The following CCDC57 variants were observed in gnomAD, a reference collection of about 807,000 sequenced individuals.
CCDC57 encodes coiled-coil domain-containing protein 57.
In CCDC57, 118 loss-of-function variants were observed where a neutral mutation model predicts 118.9. The observed-to-expected ratio is 0.99, with a 90% CI of 0.86 to 1.16. The LOEUF (loss-of-function observed/expected upper bound fraction) is 1.16. CCDC57 is among the 50% of genes most tolerant of loss of function. CCDC57 has a pLI of 0.00. For synonymous variants in CCDC57, 527 were observed against 532.9 expected (o/e 0.99, Z 0.15); for missense variants, 1,300 against 1,320.7 (o/e 0.98, Z 0.24).
intron 17 of CCDC57, among the ~76,000 whole-genome samples, chr17:82,128,963 G>A (rs2037902140): frequency 6.6e-6 from 1 of 151,658 alleles, no homozygotes; most frequent in Non-Finnish European, 1.5e-5. Flanking sequence ...CTGTCTCCCA[G>A]GCTGGAGTAC....
intron 5 of CCDC57, chr17:82,194,363 T>A: frequency 2.2e-6 from 1 of 449,996 alleles, no homozygotes; most frequent in Non-Finnish European, 3.9e-6. Flanking sequence ...CAGGCTGGAG[T>A]GCAATGGCGT....
At chr17:82,165,102 G>T (rs1434117694) in intron 13 of CCDC57, among the ~76,000 whole-genome samples, 1 of 152,218 alleles carries the variant, frequency 6.6e-6, no homozygotes, top group Non-Finnish European at 1.5e-5. Context: ...CAAGAAGATG[G>T]CTTGAGCCCA....
intron 16 of CCDC57, among the ~76,000 whole-genome samples, chr17:82,141,933 G>A (rs1167514275): frequency 1.3e-5 from 2 of 152,150 alleles, no homozygotes; most frequent in Non-Finnish European, 2.9e-5. Flanking sequence ...GAGCTGCTTT[G>A]CGATTTTACC....
chr17:82,134,102 C>A lies in CCDC57; in HGVS notation c.2548G>T (p.Gly850Ter). ...GATGTAAAATGGGGCTGCACCTGTCCCAAAGGTGGGCTGCGATCCAAAGGC... is the reference window on the plus strand; with the variant it reads ...GATGTAAAATGGGGCTGCACCTGTCACAAAGGTGGGCTGCGATCCAAAGGC... Residue 850 changes from glycine (G) to a stop codon, truncating the protein, a stop_gained, in exon 17 of 20, where the codon GGA becomes TGA. Coordinates refer to ENST00000665763, the Ensembl canonical transcript of CCDC57. LOFTEE classifies it high-confidence loss of function. The A allele has an allele frequency of 7.1e-7, 1 of 1,417,470 alleles. No individual in the cohort carries two copies. The highest frequency in any genetic ancestry group is 9.2e-7 in the Non-Finnish European group (1 of 1,083,894). The allele number at this position is 1,417,470 out of a possible 1,614,324, so 87.8% of individuals were successfully genotyped here.
chr17:82,102,521 A>AT (rs2034522723), intron 19 of CCDC57, among the ~76,000 whole-genome samples: 1 of 152,140 alleles, frequency 6.6e-6, no homozygotes, highest in East Asian at 1.9e-4. Context: ...GTTTTTCTCT[A>AT]TTTTTCATTT....
intron 19 of CCDC57, among the ~76,000 whole-genome samples, chr17:82,124,697 G>A (rs1303514795): frequency 6.6e-6 from 1 of 152,022 alleles, no homozygotes; most frequent in African/African-American, 2.4e-5. Context: ...TTGGGAGGCT[G>A]AGGTGGGAGA....
chr17:82,107,463 C>G (rs569292051), intron 19 of CCDC57: 1 of 470,284 alleles, frequency 2.1e-6, no homozygotes, highest in South Asian at 1.6e-5. Context: ...TCCAGCTGCA[C>G]GGCACACGGG....
intron 16 of CCDC57, among the ~76,000 whole-genome samples, chr17:82,136,724 A>C (rs930216574): frequency 6.6e-6 from 1 of 151,868 alleles, no homozygotes; most frequent in Admixed American, 6.6e-5. Flanking sequence ...CAGCCTCCCA[A>C]GTAGCTGGGA....
At chr17:82,183,877 G>T in exon 9 of CCDC57, 2 of 1,613,734 alleles carry the variant, frequency 1.2e-6, no homozygotes, top group Non-Finnish European at 8.5e-7. Context: ...TCCTTAGATA[G>T]TTGAGCAATT....
chr17:82,198,343 G>C, exon 4 of CCDC57: 1 of 1,613,430 alleles, frequency 6.2e-7, no homozygotes. Flanking sequence ...TCACCGTCGA[G>C]CTCCTCAAGT....
chr17:82,190,913 AAAG>A (rs1030312775), intron 7 of CCDC57, among the ~76,000 whole-genome samples: 4 of 151,328 alleles, frequency 2.6e-5, no homozygotes, highest in African/African-American at 4.9e-5. Context: ...AACCCCCCAG[AAAG>A]AAGAACATCC....
Position 82,201,778 on chromosome 17 carries a change from T to A in CCDC57, c.167A>T (p.Asp56Val), listed in dbSNP as rs556538087. The A allele has an allele frequency of 2.7e-5, 43 of 1,613,770 alleles. No homozygotes were observed. The East Asian group carries it at 9.6e-4, about 36-fold the overall frequency. Residue 56 changes from aspartate (D) to valine (V), a missense_variant, in exon 3 of 20, where the codon GAC (aspartate) becomes GTC (valine). Physicochemically the swap from Asp to Val is radical, Grantham distance 152. Transcript: ENST00000665763. ...CAGCACCTGAAGGTTGTAGACAAAGTCCTCCTGCAGGCACCGCAGTTTCCC... is the reference window on the plus strand; with the variant it reads ...CAGCACCTGAAGGTTGTAGACAAAGACCTCCTGCAGGCACCGCAGTTTCCC...
intron 8 of CCDC57, 90 bp from the exon 8 acceptor site, chr17:82,184,022 C>T (rs758647127): frequency 1.4e-4 from 56 of 408,318 alleles, no homozygotes; most frequent in African/African-American, 8.9e-4. Context: ...CACATGCGCG[C>T]GCGCGCGCGC....
chr17:82,139,877 A>AC (rs1218255821), intron 16 of CCDC57, among the ~76,000 whole-genome samples: 5 of 152,226 alleles, frequency 3.3e-5, no homozygotes, highest in Admixed American at 2.6e-4. Flanking sequence ...ATGGAGTGGA[A>AC]CAAGAACGGA....
At chr17:82,137,209 G>A (rs1439123610) in intron 16 of CCDC57, among the ~76,000 whole-genome samples, 1 of 151,910 alleles carries the variant, frequency 6.6e-6, no homozygotes, top group Non-Finnish European at 1.5e-5. Context: ...GTAGACAAGG[G>A]GTTTCACCGT....
At chr17:82,157,674 G>A (rs1405144126) in intron 15 of CCDC57, 74 bp downstream of exon 14, 17 of 1,505,214 alleles carry the variant, frequency 1.1e-5, no homozygotes, top group African/African-American at 2.8e-5. Flanking sequence ...CAGCAACGCT[G>A]GCAGAGCACA....
intron 19 of CCDC57, chr17:82,107,716 C>T (rs996015554): frequency 1.7e-5 from 7 of 415,942 alleles, no homozygotes; most frequent in African/African-American, 1.0e-4. Context: ...ACACCTGCCA[C>T]GTGGACTGGA....
intron 13 of CCDC57, among the ~76,000 whole-genome samples, chr17:82,166,714 C>T (rs1388995037): frequency 6.6e-6 from 1 of 152,076 alleles, no homozygotes; most frequent in Admixed American, 6.6e-5. Flanking sequence ...TCAAGACCAG[C>T]CTGGGCAACA....
chr17:82,158,291 C>T (rs530328808), intron 14 of CCDC57, among the ~76,000 whole-genome samples: 23 of 152,122 alleles, frequency 1.5e-4, no homozygotes, highest in Non-Finnish European at 2.5e-4. Context: ...TGCAAGTAAC[C>T]GGTAGGAGGT....
Sources: allele counts gnomAD v4.1 joint callset (sites outside exome capture counted in the v4.1 genomes callset), GRCh38; gene constraint gnomAD v4.1.1; transcripts MANE v1.5; gene names NCBI Gene and HGNC (gene_info 2026-07-23, HGNC 2026-07-21).